C1QB: variants seen among roughly 807,000 people sequenced by gnomAD.
C1QB encodes the protein complement C1q subcomponent subunit B.
C1QB carries 2 observed loss-of-function variants against 4.6 expected under a neutral mutation model. The ratio of observed to expected loss-of-function variants is 0.43; its 90% CI spans 0.18 to 1.36. C1QB has a LOEUF of 1.36. Among genes scored for constraint, C1QB ranks in the 40% most tolerant of loss-of-function variants. The probability of loss-of-function intolerance (pLI) is 0.28; values close to 1 mark genes in which losing one functional copy is unlikely to be tolerated. For synonymous variants in C1QB, 132 were observed against 137.1 expected (o/e 0.96, Z 0.26); for missense variants, 292 against 338.0 (o/e 0.86, Z 1.07).
At chr1:22,654,485 C>A (rs1222649654) in intron 1 of C1QB, among the ~76,000 whole-genome samples, 1 of 152,162 alleles carries the variant, frequency 6.6e-6, no homozygotes. Flanking sequence ...ACTTCTCCAA[C>A]CATCTTCCCT....
intron 1 of C1QB, among the ~76,000 whole-genome samples, chr1:22,659,073 GGAT>G (rs1642574734): frequency 8.3e-6 from 1 of 120,462 alleles, no homozygotes; most frequent in African/African-American, 3.4e-5. Context: ...ATGGATGGAT[GGAT>G]GGACAGGGGG....
chr1:22,659,788 A>G, intron 2 of C1QB, 145 bp downstream of exon 2: 1 of 983,604 alleles, frequency 1.0e-6, no homozygotes, highest in Non-Finnish European at 1.5e-6. Flanking sequence ...CTTTGCAAGG[A>G]GGGAATTCTG....
chr1:22,659,037 A>AGATGGATGGATG (rs3066574), intron 1 of C1QB, among the ~76,000 whole-genome samples: 109 of 112,248 alleles, frequency 9.7e-4, no homozygotes, highest in African/African-American at 3.4e-3. Flanking sequence ...ATAGAGAGAC[A>AGATGGATGGATG]GATGGATGGA....
chr1:22,659,813 G>A (rs565351850), intron 2 of C1QB, among the ~76,000 whole-genome samples, 170 bp downstream of exon 2: 3 of 152,196 alleles, frequency 2.0e-5, no homozygotes, highest in Non-Finnish European at 4.4e-5. Context: ...CCATTTTACA[G>A]AGAGGAAAAC....
Position 22,660,946 on chromosome 1 carries a change from G to A in C1QB, c.316G>A (p.Gly106Ser). The change falls in exon 3 of 3, where the codon GGC becomes AGC. Residue 106 changes from glycine (G) to serine (S), a missense_variant. Coordinates refer to ENST00000509305, the MANE Select transcript of C1QB (RefSeq NM_001378156.1). The part of the protein sequence containing the change: ...KGGPGAPGAP[G>S]PKGESGDYKA... ...TGGCCCAGGGGCCCCTGGAGCCCCA[G>A]GCCCCAAAGGTGAATCGGGAGACTA... The A allele has an allele frequency of 1.2e-6, 2 of 1,613,874 alleles. No homozygotes were observed. The highest frequency in any genetic ancestry group is 1.7e-5 in the Admixed American group (1 of 60,022).
rs1553153950 is a variant in C1QB, at chr1:22,659,311, T to TGGATGGAC, written c.-23-122_-23-121insCGGATGGA. 14 of 721,698 alleles carry TGGATGGAC rather than the reference T, an allele frequency of 1.9e-5. No homozygotes were observed. The African/African-American group carries it at 2.7e-4, about 14-fold the overall frequency. 44.7% of individuals were successfully genotyped at this position (721,698 alleles called of 1,614,324 possible). The stretch of plus-strand genomic sequence containing the variant: ...ATAGAGAGATGGATGGATGGATGGA[T>TGGATGGAC]GGATGGATGGATGGATGCAGATGGA... On this transcript the variant is annotated intron_variant, in intron 1 of 2. Transcript: ENST00000509305.
chr1:22,659,036 CAGAT>C (rs1642573324), intron 1 of C1QB, among the ~76,000 whole-genome samples: 1 of 55,916 alleles, frequency 1.8e-5, no homozygotes, highest in South Asian at 7.9e-4. Context: ...GATAGAGAGA[CAGAT>C]GGATGGATGG....
intron 2 of C1QB, among the ~76,000 whole-genome samples, chr1:22,660,611 G>A (rs1226760783): frequency 1.3e-5 from 2 of 152,110 alleles, no homozygotes; most frequent in Non-Finnish European, 2.9e-5. Context: ...ACGATCAGCA[G>A]CCCCCAAGAA....
At chr1:22,659,292 AGATGGATGGATG>A (rs56917855) in intron 1 of C1QB, 136 bp from the exon 2 acceptor site, 72 of 648,232 alleles carry the variant, frequency 1.1e-4, no homozygotes, top group Admixed American at 4.7e-4. Context: ...AGGGATAGAG[AGATGGATGGATG>A]GATGGATGGA....
intron 1 of C1QB, 59 bp downstream of exon 1, chr1:22,653,362 T>C (rs1203497741): frequency 6.6e-6 from 1 of 152,458 alleles, no homozygotes; most frequent in Non-Finnish European, 1.5e-5. Context: ...CAGAAAGTGG[T>C]GATTCCGTAA....
chr1:22,660,742 C>A, intron 2 of C1QB, 70 bp from the exon 3 acceptor site: 1 of 1,497,706 alleles, frequency 6.7e-7, no homozygotes, highest in Non-Finnish European at 9.3e-7. Context: ...AGGGCCCTGC[C>A]CAAGGTTCCA....
rs199826496 is a variant in C1QB, at chr1:22,653,870, A to C, written c.-24+567A>C. On this transcript the variant is annotated intron_variant, in intron 1 of 2. Coordinates refer to ENST00000509305, the MANE Select transcript of C1QB (RefSeq NM_001378156.1). ...CTTCCAAAGAAATAAGGGGATGTGC[A>C]GGTAGAGTTACGATGAGTTCTCAGC... 1.8e-4 allele frequency: 28 copies of C among 152,386 alleles called. No individual in the cohort carries two copies. In the East Asian group the frequency reaches 5.4e-3, roughly 29 times the overall value. The allele number at this position is 152,386 out of a possible 1,614,324, so 9.4% of individuals were successfully genotyped here.
chr1:22,655,160 C>A (rs1642513335), intron 1 of C1QB, among the ~76,000 whole-genome samples: 1 of 152,220 alleles, frequency 6.6e-6, no homozygotes, highest in African/African-American at 2.4e-5. Flanking sequence ...CTGGCCTATA[C>A]GTACCCAACT....
Position 22,661,020 on chromosome 1 carries a change from C to T in C1QB, c.390C>T (p.Val130=), listed in dbSNP as rs774367732. 6.2e-7 allele frequency: 1 copy of T among 1,614,050 alleles called. No individual in the cohort carries two copies. The highest frequency in any genetic ancestry group is 1.1e-5 in the South Asian group (1 of 91,076). ...IAFSATRTIN[V]PLRRDQTIRF... is the part of the protein sequence containing the mutation. Reference sequence around the variant, plus strand: ...TCTCTGCCACAAGAACCATCAACGTCCCCCTGCGCCGGGACCAGACCATCC... The same window carrying T: ...TCTCTGCCACAAGAACCATCAACGTTCCCCTGCGCCGGGACCAGACCATCC... Residue 130 remains valine, a synonymous_variant, in exon 3 of 3, where the codon GTC becomes GTT. Coordinates refer to ENST00000509305, the MANE Select transcript of C1QB (RefSeq NM_001378156.1).
In C1QB at chr1:22,659,557, C is replaced by A. The variant is rs1642589624; in HGVS notation, c.95C>A (p.Pro32His). ...CAGGCCCAGCTCAGCTGCACCGGGC[C>A]CCCAGCCATCCCTGGCATCCCGGGT... ...ISQAQLSCTG[P>H]PAIPGIPGIP... is the part of the protein sequence containing the mutation. The change falls in exon 2 of 3, where the codon CCC (proline) becomes CAC (histidine). Residue 32 changes from proline to histidine, a missense_variant. Transcript: ENST00000509305. 1 of 1,614,030 alleles carries A rather than the reference C, an allele frequency of 6.2e-7. No individual in the cohort carries two copies. The highest frequency in any genetic ancestry group is 1.7e-5 in the Admixed American group (1 of 60,008).
chr1:22,659,244 A>G (rs564307067), intron 1 of C1QB, among the ~76,000 whole-genome samples, 196 bp from the exon 2 acceptor site: 80 of 145,658 alleles, frequency 5.5e-4, no homozygotes, highest in African/African-American at 2.1e-3. Flanking sequence ...GGATGGAGGG[A>G]TAGAGAGATG....
chr1:22,658,892 G>GGGAT (rs1196439053), intron 1 of C1QB, among the ~76,000 whole-genome samples: 2 of 138,828 alleles, frequency 1.4e-5, no homozygotes, highest in African/African-American at 5.1e-5. Flanking sequence ...GCAGGATGGA[G>GGGAT]GGATGGATGG....
At chr1:22,660,396 G>A (rs959638820) in intron 2 of C1QB, among the ~76,000 whole-genome samples, 2 of 152,112 alleles carry the variant, frequency 1.3e-5, no homozygotes, top group Non-Finnish European at 2.9e-5. Flanking sequence ...TGGCTGCTTG[G>A]GGGGTGGAGT....
chr1:22,661,267 A>G lies in C1QB; in HGVS notation c.637A>G (p.Lys213Glu), dbSNP rs14340. 1 of 1,613,498 alleles carries G rather than the reference A, an allele frequency of 6.2e-7. No individual in the cohort carries two copies. Among genetic ancestry groups the G allele is most frequent in the South Asian group, 1.1e-5 (1 of 91,054 alleles). The change falls in exon 3 of 3, where the codon AAG (lysine) becomes GAG (glutamate). Residue 213 changes from lysine (K) to glutamate (E), a missense_variant. Lys to Glu is a moderately conservative substitution (Grantham distance 56, BLOSUM62 1). Coordinates refer to ENST00000509305, the MANE Select transcript of C1QB (RefSeq NM_001378156.1). ...FQVTTGGMVL[K>E]LEQGENVFLQ... Reference sequence around the variant, plus strand: ...GGTCACCACCGGTGGCATGGTCCTCAAGCTGGAGCAGGGGGAGAACGTCTT... The same window carrying G: ...GGTCACCACCGGTGGCATGGTCCTCGAGCTGGAGCAGGGGGAGAACGTCTT...
Sources: allele counts gnomAD v4.1 joint callset (sites outside exome capture counted in the v4.1 genomes callset), GRCh38; gene constraint gnomAD v4.1.1; transcripts MANE v1.5; gene names NCBI Gene and HGNC (gene_info 2026-07-23, HGNC 2026-07-21).